Variants in EVPL observed in about 807,000 individuals in gnomAD.
The protein encoded by EVPL is envoplakin.
A neutral mutation model predicts 129.7 loss-of-function variants in EVPL; 94 were observed. The ratio of observed to expected loss-of-function variants is 0.72; its 90% confidence interval spans 0.61 to 0.86. The LOEUF is 0.86. Among genes scored for constraint, EVPL ranks in the 40% least tolerant of loss-of-function variants. The pLI is 0.00. For missense variants in EVPL, 2,625 were observed against 2,721.1 expected (o/e 0.96, Z 0.79); for synonymous variants, 1,172 against 1,191.1 (o/e 0.98, Z 0.33).
rs543289112 is a variant in EVPL, at chr17:76,010,063, C to T, written c.3142G>A (p.Val1048Ile). The change falls in exon 22 of 22, where the codon GTC becomes ATC. Residue 1048 changes from valine to isoleucine, a missense_variant. Physicochemically the swap from Val to Ile is conservative, Grantham distance 29. Transcript: ENST00000301607. ...AGCCCTTCCAGCCGGGCCGAGATGA[C>T]GGCATCCTCCCCGCGGAGCTGCTGG... ...QIQQLRGEDA[V>I]ISARLEGLKK... 20 of 1,613,178 alleles carry T rather than the reference C, an allele frequency of 1.2e-5. No individual in the cohort carries two copies. Among genetic ancestry groups the T allele is most frequent in the Middle Eastern group, 3.3e-4 (2 of 6,062 alleles).
rs767807959 is a variant in EVPL, at chr17:76,008,504, G to C, written c.4701C>G (p.Ala1567=). The change falls in exon 22 of 22, where the codon GCC becomes GCG. Residue 1567 remains alanine (A), a synonymous_variant. Coordinates refer to ENST00000301607, the MANE Select transcript of EVPL (RefSeq NM_001988.4). This position sits in a 1 kb window ranked among gnomAD's most constrained non-coding sequence, Gnocchi z 7.4. ...GGGACCAGGTTCTCCCCAGCGTCTC[G>C]GCCCGGTCAATGCGCTCCCGCAGGC... ...ARRLRERIDR[A]ETLGRTWSRE... 19 of 1,603,586 alleles carry C rather than the reference G, an allele frequency of 1.2e-5. 1 individual carries two copies. Among genetic ancestry groups the C allele is most frequent in the South Asian group, 7.7e-5 (7 of 90,708 alleles).
rs2066403347 is a variant in EVPL, at chr17:76,014,593, C to A, written c.2223-17G>T. ...ACCTTCTCCCTGCAGGAGGACGAGG[C>A]CCAGAACAGAGATAAGACCTGCCCC... On this transcript the variant is annotated splice_polypyrimidine_tract_variant and intron_variant, in intron 17 of 21. Transcript: ENST00000301607. The A allele has an allele frequency of 6.2e-7, 1 of 1,610,048 alleles. No individual in the cohort carries two copies. The highest frequency in any genetic ancestry group is 1.3e-5 in the African/African-American group (1 of 74,770).
In EVPL at chr17:76,008,917, T is replaced by C; in HGVS notation, c.4288A>G (p.Ser1430Gly). 2 of 1,613,276 alleles carry C rather than the reference T, an allele frequency of 1.2e-6. No homozygotes were observed. Among genetic ancestry groups the C allele is most frequent in the Non-Finnish European group, 1.7e-6 (2 of 1,179,994 alleles). Residue 1430 changes from serine (S) to glycine (G), a missense_variant, in exon 22 of 22, where the codon AGC (serine) becomes GGC (glycine). Transcript: ENST00000301607. The surrounding 1 kb of genome is among the most constrained non-coding windows in gnomAD (Gnocchi z 7.4). ...TCCCTCTCCACGGCCAGCTTCTTGC[T>C]GCGGTCCTCCTGGAAGCTGAGCAGG... ...EGLLSFQEDR[S>G]KKLAVERELR...
rs2066356193 is a variant in EVPL, at chr17:76,009,489, T to G, written c.3716A>C (p.Glu1239Ala). ...CGTGGGCTTCTGGGCCCGCAGGACC[T>G]CCAGGTCGGGCAGCAGCTTCTCCAC... ...KEVEKLLPDL[E>A]VLRAQKPTVE... Residue 1239 changes from glutamate to alanine, a missense_variant, in exon 22 of 22, where the codon GAG becomes GCG. By Grantham distance (107) the Glu-to-Ala change is moderately radical (BLOSUM62 -1). Transcript: ENST00000301607. The surrounding 1 kb of genome is among the most constrained non-coding windows in gnomAD (Gnocchi z 5.9). The G allele has an allele frequency of 6.2e-7, 1 of 1,614,130 alleles. No homozygotes were observed. Among genetic ancestry groups the G allele is most frequent in the Non-Finnish European group, 8.5e-7 (1 of 1,180,028 alleles).
rs755876302 is a variant in EVPL, at chr17:76,022,478, C to G, written c.541G>C (p.Glu181Gln). The G allele has an allele frequency of 2.8e-5, 45 of 1,613,192 alleles. No homozygotes were observed. Among genetic ancestry groups the G allele is most frequent in the Non-Finnish European group, 3.7e-5 (44 of 1,179,852 alleles). Residue 181 changes from glutamate to glutamine, a missense_variant, in exon 5 of 22, where the codon GAG (glutamate) becomes CAG (glutamine). Around this residue, in one of 4 missense-constraint regions of EVPL, gnomAD observed 1,024 missense variants for 997.5 expected, o/e 1.03. Transcript: ENST00000301607. This position sits in a 1 kb window ranked among gnomAD's most constrained non-coding sequence, Gnocchi z 5.6. ...GMAELEQQIAEHNILQKEIDA... is the reference protein window; with the variant it reads ...GMAELEQQIAQHNILQKEIDA... ...ATCTCCTTCTGCAGGATGTTGTGCT[C>G]GGCGATCTGTTGCTCCAGCTCCGCC...
chr17:76,015,245 C>T lies in EVPL; in HGVS notation c.2010G>A (p.Glu670=), dbSNP rs1315266917. 1.3e-6 allele frequency: 2 copies of T among 1,599,690 alleles called. No homozygotes were observed. Among genetic ancestry groups the T allele is most frequent in the South Asian group, 1.1e-5 (1 of 90,316 alleles). The part of the protein sequence containing the change: ...PIPAEPGALQ[E]RVSELQRQRR... ...CCCTTACCTGCAGCTCGCTGACCCT[C>T]TCCTGCAGAGCCCCCGGTTCAGCAG... The change falls in exon 16 of 22, where the codon GAG becomes GAA. Residue 670 remains glutamate (E), a synonymous_variant. Transcript: ENST00000301607.
Position 76,013,421 on chromosome 17 carries a change from C to T in EVPL, c.2373+1005G>A, listed in dbSNP as rs2066393766. ...CAGTTCCCTCCCATATGCCTACGTC[C>T]ACCTCCCCGCTGCCCTCGGCTGTCC... On this transcript the variant is annotated intron_variant, in intron 18 of 21. Coordinates refer to ENST00000301607, the MANE Select transcript of EVPL (RefSeq NM_001988.4). The surrounding 1 kb of genome is among the most constrained non-coding windows in gnomAD (Gnocchi z 4.3). Among the ~76,000 whole-genome samples the T allele has an allele frequency of 6.6e-6, 1 of 152,180 alleles. No homozygotes were observed. Among genetic ancestry groups the T allele is most frequent in the Non-Finnish European group, 1.5e-5 (1 of 68,044 alleles).
At chr17:76,026,279 C>T (rs1478157703) in intron 1 of EVPL, among the ~76,000 whole-genome samples, 5 of 145,316 alleles carry the variant, frequency 3.4e-5, no homozygotes, top group African/African-American at 7.7e-5. Context: ...GAGTCTCAGT[C>T]TGTCACCCAG....
Position 76,024,068 on chromosome 17 carries a change from C to G in EVPL, c.151G>C (p.Asp51His). 2 of 1,613,900 alleles carry G rather than the reference C, an allele frequency of 1.2e-6. No homozygotes were observed. The highest frequency in any genetic ancestry group is 2.2e-5 in the South Asian group (2 of 91,058). Reference sequence around the variant, plus strand: ...TCCAGGATGTCCCGCTCCACCTGGTCGGCGTTGGCTTGCATGCGGGAGATG... The same window carrying G: ...TCCAGGATGTCCCGCTCCACCTGGTGGGCGTTGGCTTGCATGCGGGAGATG... ...LLISRMQANA[D>H]QVERDILETQ... The change falls in exon 2 of 22, where the codon GAC (aspartate) becomes CAC (histidine). Residue 51 changes from aspartate (D) to histidine (H), a missense_variant. Asp to His is a moderately conservative substitution (Grantham distance 81, BLOSUM62 -1). This residue lies in a region of EVPL where 139 missense variants were observed against 186.8 expected (regional missense o/e 0.74). Coordinates refer to ENST00000301607, the MANE Select transcript of EVPL (RefSeq NM_001988.4). The surrounding 1 kb of genome is among the most constrained non-coding windows in gnomAD (Gnocchi z 4.5).
chr17:76,022,837 G>C lies in EVPL; in HGVS notation c.481-299C>G, dbSNP rs936044022. Among the ~76,000 whole-genome samples the C allele has an allele frequency of 2.6e-5, 4 of 152,134 alleles. No individual in the cohort carries two copies. The highest frequency in any genetic ancestry group is 9.7e-5 in the African/African-American group (4 of 41,416). ...CCTGGACACCACCAGCCAAGCTCTA[G>C]GGCCCTCAGAATGCCCTGCTCCAGC... On this transcript the variant is annotated intron_variant, in intron 4 of 21. Transcript: ENST00000301607. The surrounding 1 kb of genome is among the most constrained non-coding windows in gnomAD (Gnocchi z 5.6).
At chr17:76,019,376 C>T in intron 10 of EVPL, 152 bp downstream of exon 10, 5 of 1,040,124 alleles carry the variant, frequency 4.8e-6, no homozygotes, top group Non-Finnish European at 5.3e-6. Flanking sequence ...TGGTACCTGG[C>T]CAGCCTCCTG....
chr17:76,008,408 C>T lies in EVPL; in HGVS notation c.4797G>A (p.Leu1599=), dbSNP rs1230021435. The T allele has an allele frequency of 3.1e-6, 5 of 1,593,482 alleles. No homozygotes were observed. The highest frequency in any genetic ancestry group is 4.5e-5 in the East Asian group (2 of 44,468). The change falls in exon 22 of 22, where the codon CTG becomes CTA. Residue 1599 remains leucine (L), a synonymous_variant. Transcript: ENST00000301607. The surrounding 1 kb of genome is among the most constrained non-coding windows in gnomAD (Gnocchi z 7.4). The part of the protein sequence containing the change: ...DQECGRLQQE[L]RALERQKQQQ... ...GCTGCTTCTGCCTCTCCAGAGCCCGCAGCTCCTGCTGCAGCCGCCCACACT... is the reference window on the plus strand; with the variant it reads ...GCTGCTTCTGCCTCTCCAGAGCCCGTAGCTCCTGCTGCAGCCGCCCACACT...
Position 76,018,145 on chromosome 17 carries a change from G to C in EVPL, c.1537+16C>G. 5 of 1,550,778 alleles carry C rather than the reference G, an allele frequency of 3.2e-6. No homozygotes were observed. In the East Asian group the frequency reaches 7.3e-5, roughly 23 times the overall value. ...TCTAGCCCCACAGCCACCTCTCCCC[G>C]GGCCACCCTGGGTACCCTGCTGGCT... On this transcript the variant is annotated intron_variant, in intron 13 of 21. Transcript: ENST00000301607.
At position 76,021,538 on chromosome 17, in the gene EVPL, T is replaced by G. The variant is rs1230352548; in HGVS notation, c.941A>C (p.Glu314Ala). 1 of 1,608,424 alleles carries G rather than the reference T, an allele frequency of 6.2e-7. No homozygotes were observed. Among genetic ancestry groups the G allele is most frequent in the East Asian group, 2.2e-5 (1 of 44,740 alleles). ...IQAHQEALKM[E>A]WQNFLNLCIC... ...ACACAGGTTCAGGAAGTTCTGCCAC[T>G]CCATCTTCAGGGCCTCCTGGTGGGC... Residue 314 changes from glutamate to alanine, a missense_variant, in exon 9 of 22, where the codon GAG becomes GCG. By Grantham distance (107) the Glu-to-Ala change is moderately radical (BLOSUM62 -1). Coordinates refer to ENST00000301607, the MANE Select transcript of EVPL (RefSeq NM_001988.4).
intron 2 of EVPL, 90 bp from the exon 3 acceptor site, chr17:76,023,744 A>C: frequency 6.9e-7 from 1 of 1,451,520 alleles, no homozygotes; most frequent in African/African-American, 1.4e-5. Context: ...CAACTTTGGG[A>C]CCCCAGCTAT....
intron 1 of EVPL, among the ~76,000 whole-genome samples, chr17:76,025,001 C>T (rs1312176426): frequency 6.6e-6 from 1 of 152,052 alleles, no homozygotes; most frequent in Non-Finnish European, 1.5e-5. Flanking sequence ...AAAGGATGGG[C>T]CCCCCCAGGC....
At position 76,019,593 on chromosome 17, in the gene EVPL, C is replaced by T. The variant is rs757936840; in HGVS notation, c.1072G>A (p.Ala358Thr). 5 of 1,605,244 alleles carry T rather than the reference C, an allele frequency of 3.1e-6. No individual in the cohort carries two copies. In the East Asian group the frequency reaches 6.8e-5, roughly 22 times the overall value. The change falls in exon 10 of 22, where the codon GCC becomes ACC. Residue 358 changes from alanine (A) to threonine (T), a missense_variant. Ala to Thr is a moderately conservative substitution (Grantham distance 58, BLOSUM62 0). Transcript: ENST00000301607. ...CCCCCAGGTGCAGGGCTGTACTTGG[C>T]ATCCAAGTTGGAGTTGAGCTTCGCC... ...TLAKLNSNLD[A>T]KYSPAPGGPP...
rs1377576600 is a variant in EVPL, at chr17:76,008,228, G to C, written c.4977C>G (p.Leu1659=). The change falls in exon 22 of 22, where the codon CTC becomes CTG. Residue 1659 remains leucine (L), a synonymous_variant. Transcript: ENST00000301607. The surrounding 1 kb of genome is among the most constrained non-coding windows in gnomAD (Gnocchi z 7.4). ...GGCTCACCTTGGCGTGGAGGTCCCG[G>C]AGCGTCCGCTCCTTCTCGTAGATCT... ...KDQIYEKERT[L]RDLHAKVSRE... 6.2e-7 allele frequency: 1 copy of C among 1,613,974 alleles called. No individual in the cohort carries two copies. Among genetic ancestry groups the C allele is most frequent in the Non-Finnish European group, 8.5e-7 (1 of 1,180,024 alleles).
chr17:76,018,876 G>A (rs778892068), intron 11 of EVPL, 38 bp downstream of exon 11: 67 of 1,495,470 alleles, frequency 4.5e-5, no homozygotes, highest in Non-Finnish European at 5.8e-5. Flanking sequence ...GTTGGGCGGG[G>A]CTGGATGGTG....
Sources: allele counts gnomAD v4.1 joint callset (sites outside exome capture counted in the v4.1 genomes callset), GRCh38; gene constraint gnomAD v4.1.1; regional missense constraint gnomAD v4.1.1; non-coding constraint Gnocchi (gnomAD v3.1); transcripts MANE v1.5; gene names NCBI Gene and HGNC (gene_info 2026-07-23, HGNC 2026-07-21).